CYTH3: variants seen among roughly 807,000 people sequenced by gnomAD.
The protein encoded by CYTH3 is cytohesin 3.
A neutral mutation model predicts 55.1 loss-of-function variants in CYTH3; 23 were observed. The observed-to-expected ratio is 0.42, with a 90% CI of 0.30 to 0.59. CYTH3 has a LOEUF of 0.59. CYTH3 is among the 20% of genes least tolerant of loss of function. The pLI, the probability that CYTH3 is intolerant of heterozygous loss-of-function variation, is 0.20. For missense variants in CYTH3, 413 were observed against 524.8 expected (o/e 0.79, Z 2.08); for synonymous variants, 249 against 194.9 (o/e 1.28, Z -2.31).
At chr7:6,238,332 A>G (rs138154243) in intron 1 of CYTH3, among the ~76,000 whole-genome samples, 2,004 of 152,332 alleles carry the variant, frequency 0.013, 26 homozygotes, top group Middle Eastern at 0.058. Context: ...AACAATTTCT[A>G]CTAAAGGAAA....
chr7:6,196,867 C>CA (rs1783947287), intron 1 of CYTH3, among the ~76,000 whole-genome samples: 1 of 152,190 alleles, frequency 6.6e-6, no homozygotes. Flanking sequence ...TCAAGTCTGT[C>CA]AACAACATTT....
intron 1 of CYTH3, among the ~76,000 whole-genome samples, chr7:6,219,588 A>C (rs997298229): frequency 2.0e-5 from 3 of 152,192 alleles, no homozygotes; most frequent in Admixed American, 1.3e-4. Flanking sequence ...GTCACTCATG[A>C]ATCCCCTCAA....
At chr7:6,255,718 G>A (rs191022578) in intron 1 of CYTH3, among the ~76,000 whole-genome samples, 68 of 150,534 alleles carry the variant, frequency 4.5e-4, no homozygotes, top group Non-Finnish European at 7.5e-4. Context: ...TGGGGGAGAC[G>A]CTCAGGTTAG....
intron 1 of CYTH3, among the ~76,000 whole-genome samples, chr7:6,227,316 C>G (rs1437983411): frequency 6.6e-6 from 1 of 151,672 alleles, no homozygotes; most frequent in African/African-American, 2.4e-5. Context: ...AATTTTAAGC[C>G]TCAAGTCAGT....
chr7:6,231,069 ACCTGTACTAACCCACG>A (rs1294823399), intron 1 of CYTH3, among the ~76,000 whole-genome samples: 2 of 151,740 alleles, frequency 1.3e-5, no homozygotes, highest in African/African-American at 2.4e-5. Context: ...TTCCCCTCTC[ACCTGTACTAACCCACG>A]CCTTAGACTT....
chr7:6,235,014 A>G (rs750550369), intron 1 of CYTH3, among the ~76,000 whole-genome samples: 1 of 152,072 alleles, frequency 6.6e-6, no homozygotes, highest in African/African-American at 2.4e-5. Context: ...TGATGTTCCC[A>G]ATTTCATATC....
chr7:6,205,671 A>G (rs1784168182), intron 1 of CYTH3, among the ~76,000 whole-genome samples: 1 of 152,084 alleles, frequency 6.6e-6, no homozygotes, highest in African/African-American at 2.4e-5. Flanking sequence ...ACAACTTAAG[A>G]TGCTACCACA....
chr7:6,198,001 G>T (rs1783974405), intron 1 of CYTH3, among the ~76,000 whole-genome samples: 1 of 151,844 alleles, frequency 6.6e-6, no homozygotes, highest in South Asian at 2.1e-4. Flanking sequence ...GGCTGAAGTG[G>T]GGGGATCGCT....
At chr7:6,257,253 C>G (rs1355956478) in intron 1 of CYTH3, among the ~76,000 whole-genome samples, 1 of 152,092 alleles carries the variant, frequency 6.6e-6, no homozygotes, top group South Asian at 2.1e-4. Flanking sequence ...GTGAACAGGC[C>G]AAACATTCAA....
intron 1 of CYTH3, among the ~76,000 whole-genome samples, chr7:6,242,538 G>A (rs544883153): frequency 4.0e-5 from 6 of 148,444 alleles, no homozygotes; most frequent in East Asian, 2.0e-4. Flanking sequence ...CACCACACCC[G>A]GCTAATTTTT....
chr7:6,185,504 A>G (rs12665882), intron 4 of CYTH3, among the ~76,000 whole-genome samples: 34,467 of 151,738 alleles, frequency 0.23, 4,838 homozygotes, highest in East Asian at 0.57. Flanking sequence ...AGACCATCCT[A>G]GCTAACACAG....
At chr7:6,265,118 A>G (rs1780454088) in intron 1 of CYTH3, among the ~76,000 whole-genome samples, 1 of 152,132 alleles carries the variant, frequency 6.6e-6, no homozygotes, top group South Asian at 2.1e-4. Context: ...AATGAGACAG[A>G]GCAGAGTCAG....
intron 1 of CYTH3, among the ~76,000 whole-genome samples, chr7:6,207,458 G>A (rs1375261748): frequency 1.3e-5 from 2 of 152,118 alleles, no homozygotes; most frequent in Non-Finnish European, 2.9e-5. Flanking sequence ...TAATGGAATA[G>A]CATTTAATTC....
chr7:6,233,140 G>A (rs539888249), intron 1 of CYTH3, among the ~76,000 whole-genome samples: 1 of 152,086 alleles, frequency 6.6e-6, no homozygotes, highest in Non-Finnish European at 1.5e-5. Flanking sequence ...CTCTGAAGTT[G>A]CTTTCTCAAC....
chr7:6,238,903 G>T lies in CYTH3; in HGVS notation c.34+33571C>A, dbSNP rs537559039. The stretch of plus-strand genomic sequence containing the variant: ...GAAAAGATTGGAAATCAGAACTCCA[G>T]GTTAAAAATAATAATAATAATAAAA... On this transcript the variant is annotated intron_variant, in intron 1 of 12. Coordinates refer to ENST00000350796, the MANE Select transcript of CYTH3 (RefSeq NM_004227.4). 3.7e-4 allele frequency among the ~76,000 whole-genome samples: 55 copies of T among 149,386 alleles called. 1 individual carries two copies. The highest frequency in any genetic ancestry group is 1.8e-3 in the Admixed American group (27 of 15,150).
intron 1 of CYTH3, among the ~76,000 whole-genome samples, chr7:6,244,347 G>A (rs1284750906): frequency 6.6e-6 from 1 of 152,218 alleles, no homozygotes; most frequent in Non-Finnish European, 1.5e-5. Flanking sequence ...TTTTGCATGT[G>A]CATTAATTAC....
At chr7:6,271,436 G>A (rs1780650707) in intron 1 of CYTH3, among the ~76,000 whole-genome samples, 1 of 151,810 alleles carries the variant, frequency 6.6e-6, no homozygotes, top group Non-Finnish European at 1.5e-5. Context: ...ATTACATGGG[G>A]TTCTGATGAT....
chr7:6,254,021 AAATAAAGAAAG>A (rs1208963663), intron 1 of CYTH3, among the ~76,000 whole-genome samples: 8 of 143,920 alleles, frequency 5.6e-5, no homozygotes, highest in South Asian at 2.2e-4. Flanking sequence ...ATAAAATAAA[AAATAAAGAAAG>A]GAGGCCAGGT....
At chr7:6,174,539 G>GGT (rs1491456018) in intron 5 of CYTH3, among the ~76,000 whole-genome samples, 1 of 89,804 alleles carries the variant, frequency 1.1e-5, no homozygotes, top group South Asian at 3.3e-4. Context: ...CTCCTTGTGG[G>GGT]TTTTTTTTTT....
Sources: gnomAD v4.1 joint callset for allele counts (sites outside exome capture counted in the v4.1 genomes callset) on GRCh38, gnomAD v4.1.1 for gene constraint, MANE v1.5 for transcripts, NCBI Gene and HGNC (gene_info 2026-07-23, HGNC 2026-07-21) for gene names.